Variants in NHEJ1 observed in about 807,000 individuals in gnomAD.
The protein encoded by NHEJ1 is non-homologous end joining factor 1.
NHEJ1 carries 22 observed loss-of-function variants against 39.4 expected under a neutral mutation model. The observed-to-expected ratio is 0.56, with a 90% CI of 0.40 to 0.80. The LOEUF (loss-of-function observed/expected upper bound fraction) is 0.80, where lower values mean the gene tolerates loss of function less well. Among genes scored for constraint, NHEJ1 ranks in the 30% least tolerant of loss-of-function variants. NHEJ1 has a pLI of 0.00. For missense variants in NHEJ1, 329 were observed against 357.1 expected, an observed-to-expected ratio of 0.92 and a Z score of 0.63; for synonymous variants, 154 against 135.6, an observed-to-expected ratio of 1.14 and a Z score of -0.94.
intron 5 of NHEJ1, among the ~76,000 whole-genome samples, chr2:219,094,087 C>T (rs1177548507): frequency 6.6e-6 from 1 of 152,190 alleles, no homozygotes; most frequent in East Asian, 1.9e-4. Context: ...AACTGCTAGG[C>T]TTGAGTTATC....
intron 5 of NHEJ1, among the ~76,000 whole-genome samples, chr2:219,136,228 ATTCT>A (rs1949626477): frequency 6.7e-6 from 1 of 148,874 alleles, no homozygotes; most frequent in Non-Finnish European, 1.5e-5. Context: ...CCCCCTTTGT[ATTCT>A]TTCTTTCTTT....
intron 5 of NHEJ1, among the ~76,000 whole-genome samples, chr2:219,123,977 G>C (rs1043580292): frequency 1.4e-4 from 22 of 152,142 alleles, no homozygotes. Flanking sequence ...CTGGCGGTGG[G>C]GGCAGAGGTA....
At chr2:219,105,053 G>A (rs900588165) in intron 5 of NHEJ1, among the ~76,000 whole-genome samples, 11 of 152,166 alleles carry the variant, frequency 7.2e-5, no homozygotes, top group Admixed American at 2.0e-4. Flanking sequence ...ATAGTTGAGT[G>A]CTGTCACTGC....
Position 219,119,307 on chromosome 2 carries a change from G to A in NHEJ1, c.588+27373C>T, listed in dbSNP as rs1395036628. Among the ~76,000 whole-genome samples the A allele has an allele frequency of 3.3e-5, 5 of 152,220 alleles. No homozygotes were observed. The East Asian group carries it at 9.6e-4, about 29-fold the overall frequency. On this transcript the variant is annotated intron_variant, in intron 5 of 7. Coordinates refer to ENST00000356853, the MANE Select transcript of NHEJ1 (RefSeq NM_024782.3). Reference sequence around the variant, plus strand: ...GCTCACAGAATGAGACAATAGTGTAGAAACTATGGCATCTGGTGGAATTGG... The same window carrying A: ...GCTCACAGAATGAGACAATAGTGTAAAAACTATGGCATCTGGTGGAATTGG...
rs1246932128 is a variant in NHEJ1, at chr2:219,159,566, TATATATATGCATATATATATGC to T, written c.-1+1132_-1+1153del. Among the ~76,000 whole-genome samples the T allele has an allele frequency of 5.3e-3, 94 of 17,676 alleles. 6 individuals carry two copies. The highest frequency in any genetic ancestry group is 0.013 in the African/African-American group (86 of 6,572). The allele number at this position is 17,676 out of a possible 152,430, so 11.6% of individuals were successfully genotyped here. A position where few individuals can be genotyped will look rare whatever the true frequency, so the allele number is the denominator to read the frequency against. The stretch of plus-strand genomic sequence containing the variant: ...ATATATATATGCATATATATATGCA[TATATATATGCATATATATATGC>T]ATATATATATATGCATATATATACA... On this transcript the variant is annotated intron_variant, in intron 1 of 7. Transcript: ENST00000356853.
In NHEJ1 at chr2:219,159,544, TATATATGC is replaced by T. The variant is rs1949897893; in HGVS notation, c.-1+1168_-1+1175del. ...ATATATGCATATATATATGCATATATATATATGCATATATATATGCATATATATATGCA... is the reference window on the plus strand; with the variant it reads ...ATATATGCATATATATATGCATATATATATATATATGCATATATATATGCA... On this transcript the variant is annotated intron_variant, in intron 1 of 7. Coordinates refer to ENST00000356853, the MANE Select transcript of NHEJ1 (RefSeq NM_024782.3). 1.7e-4 allele frequency among the ~76,000 whole-genome samples: 3 copies of T among 17,332 alleles called. 1 individual carries two copies. The highest frequency in any genetic ancestry group is 1.3e-3 in the Admixed American group (2 of 1,590). The allele number at this position is 17,332 out of a possible 152,430, so 11.4% of individuals were successfully genotyped here.
chr2:219,082,306 T>G (rs1949074630), intron 5 of NHEJ1, among the ~76,000 whole-genome samples: 1 of 152,188 alleles, frequency 6.6e-6, no homozygotes, highest in African/African-American at 2.4e-5. Context: ...GGCATTTTAT[T>G]TCCCCTTCTT....
At chr2:219,157,231 G>A (rs1949862634) in intron 3 of NHEJ1, among the ~76,000 whole-genome samples, 3 of 152,198 alleles carry the variant, frequency 2.0e-5, no homozygotes, top group Non-Finnish European at 2.9e-5. Flanking sequence ...TTAGCCCATT[G>A]TAGATGCTTT....
intron 5 of NHEJ1, among the ~76,000 whole-genome samples, chr2:219,094,582 C>T (rs1237961579): frequency 2.6e-5 from 4 of 152,134 alleles, no homozygotes; most frequent in African/African-American, 9.7e-5. Flanking sequence ...CTCTAAAATG[C>T]CCAGATCATT....
intron 5 of NHEJ1, among the ~76,000 whole-genome samples, chr2:219,084,393 G>C (rs912081381): frequency 1.3e-5 from 2 of 152,044 alleles, no homozygotes; most frequent in South Asian, 4.2e-4. Context: ...CTTCACTGGC[G>C]TCCCAAAGCA....
At chr2:219,131,492 C>T (rs1949578352) in intron 5 of NHEJ1, among the ~76,000 whole-genome samples, 1 of 152,154 alleles carries the variant, frequency 6.6e-6, no homozygotes, top group Non-Finnish European at 1.5e-5. Flanking sequence ...ACTTGTTAAA[C>T]ACAGGAAAAG....
chr2:219,146,720 G>A lies in NHEJ1; in HGVS notation c.548C>T (p.Pro183Leu). The A allele has an allele frequency of 6.2e-7, 1 of 1,611,116 alleles. No homozygotes were observed. The highest frequency in any genetic ancestry group is 8.5e-7 in the Non-Finnish European group (1 of 1,177,344). ...TLIRDRLKTE[P>L]FEENSFLEQF... ...TTCCAAGAAGGAATTTTCTTCAAATGGTTCTGTCTTCAATCGATCTGTAAT... is the reference window on the plus strand; with the variant it reads ...TTCCAAGAAGGAATTTTCTTCAAATAGTTCTGTCTTCAATCGATCTGTAAT... Residue 183 changes from proline to leucine, a missense_variant, in exon 5 of 8, where the codon CCA (proline) becomes CTA (leucine). Physicochemically the swap from Pro to Leu is moderately conservative, Grantham distance 98. Transcript: ENST00000356853.
chr2:219,135,365 G>A (rs1410043332), intron 5 of NHEJ1, among the ~76,000 whole-genome samples: 14 of 152,164 alleles, frequency 9.2e-5, no homozygotes, highest in Admixed American at 4.6e-4. Context: ...CCAGCACTTT[G>A]GGAGGCCGAG....
At chr2:219,092,293 CAAAA>C (rs58005993) in intron 5 of NHEJ1, among the ~76,000 whole-genome samples, 1 of 111,978 alleles carries the variant, frequency 8.9e-6, no homozygotes, top group Non-Finnish European at 1.9e-5. Context: ...GACACTGCCT[CAAAA>C]AAAAAAAAAA....
At chr2:219,103,853 G>C (rs1949289449) in intron 5 of NHEJ1, among the ~76,000 whole-genome samples, 1 of 152,276 alleles carries the variant, frequency 6.6e-6, no homozygotes, top group Middle Eastern at 3.4e-3. Context: ...AGACTCTGGA[G>C]TCCCCATTTA....
rs1948971671 is a variant in NHEJ1, at chr2:219,072,591, T to C, written c.*3790A>G. Among the ~76,000 whole-genome samples the C allele has an allele frequency of 6.7e-6, 1 of 149,418 alleles. No individual in the cohort carries two copies. Among genetic ancestry groups the C allele is most frequent in the Non-Finnish European group, 1.5e-5 (1 of 68,016 alleles). On this transcript the variant is annotated 3_prime_UTR_variant, in exon 8 of 8. Transcript: ENST00000356853. ...TAATGGTATAATATCCCTGAAGTGA[T>C]ATTTTCTGAGTTAGGGTTAAAACTG...
chr2:219,082,061 G>T (rs1051456908), intron 5 of NHEJ1, among the ~76,000 whole-genome samples: 3 of 152,226 alleles, frequency 2.0e-5, no homozygotes, highest in Non-Finnish European at 4.4e-5. Flanking sequence ...CTCCAAACTA[G>T]TATTGATGGA....
chr2:219,113,864 C>CA (rs138959166), intron 5 of NHEJ1, among the ~76,000 whole-genome samples: 19,253 of 151,932 alleles, frequency 0.13, 1,362 homozygotes, highest in African/African-American at 0.2. Context: ...TTTAATACTC[C>CA]AAAAAAAGTT....
In NHEJ1 at chr2:219,076,255, C is replaced by T. The variant is rs1574696824; in HGVS notation, c.*126G>A. On this transcript the variant is annotated 3_prime_UTR_variant, in exon 8 of 8. Transcript: ENST00000356853. ...CTGTCAACATCAACTTCAGTTCTCT[C>T]GCCCTTACAGGAGGCCTCTGACTGT... The T allele has an allele frequency of 5.7e-6, 9 of 1,568,142 alleles. No homozygotes were observed. The highest frequency in any genetic ancestry group is 2.3e-5 in the East Asian group (1 of 42,624).
Sources: gnomAD v4.1 joint callset for allele counts (sites outside exome capture counted in the v4.1 genomes callset) on GRCh38, gnomAD v4.1.1 for gene constraint, MANE v1.5 for transcripts, NCBI Gene and HGNC (gene_info 2026-07-23, HGNC 2026-07-21) for gene names.